The following COXFA4L2 variants were observed in gnomAD, a reference collection of about 807,000 sequenced individuals.
COXFA4L2 encodes NADH dehydrogenase (ubiquinone) 1 alpha subcomplex, 4-like 2.
the COXFA4L2 span, chr12:57,235,486 G>A: frequency 2.7e-6 from 4 of 1,493,802 alleles, no homozygotes; most frequent in African/African-American, 2.8e-5. Context: ...TGATGCCTTG[G>A]GGCCTGCGGG....
the COXFA4L2 span, chr12:57,235,649 G>T: frequency 6.2e-7 from 1 of 1,613,754 alleles, no homozygotes; most frequent in South Asian, 1.1e-5. Flanking sequence ...GGGTTGCGCT[G>T]AGTACCCCAA....
At chr12:57,236,466 C>G in the COXFA4L2 span, 1 of 768,206 alleles carries the variant, frequency 1.3e-6, no homozygotes, top group Non-Finnish European at 2.0e-6. Flanking sequence ...GGGCTCCAGC[C>G]CTGAGATGCC....
chr12:57,235,865 T>C, the COXFA4L2 span: 3 of 1,457,118 alleles, frequency 2.1e-6, no homozygotes, highest in South Asian at 4.4e-5. Flanking sequence ...CAGAACTCTG[T>C]AACCCAATTT....
At chr12:57,235,584 C>T in the COXFA4L2 span, 3 of 1,614,092 alleles carry the variant, frequency 1.9e-6, no homozygotes, top group Non-Finnish European at 1.7e-6. Context: ...GCCGGTCCTT[C>T]TTCAGCTTCT....
At chr12:57,240,491 C>G in the COXFA4L2 span, 1 of 165,748 alleles carries the variant, frequency 6.0e-6, no homozygotes, top group African/African-American at 2.4e-5. Flanking sequence ...GATGGCGAAG[C>G]CGAGCTGGCC....
the COXFA4L2 span, chr12:57,236,758 G>T: frequency 1.5e-6 from 2 of 1,359,216 alleles, no homozygotes; most frequent in Non-Finnish European, 1.0e-6. Flanking sequence ...AAGCTTTTCT[G>T]CCCACCCCAA....
the COXFA4L2 span, chr12:57,236,566 C>G: frequency 6.5e-7 from 1 of 1,540,710 alleles, no homozygotes; most frequent in Non-Finnish European, 8.8e-7. Context: ...CCCAGGCCCC[C>G]GTGAGCATCC....
chr12:57,237,449 G>A, the COXFA4L2 span: 1 of 818,830 alleles, frequency 1.2e-6, no homozygotes, highest in Non-Finnish European at 1.6e-6. Context: ...CAGGCACTTA[G>A]CAAAATGCAT....
chr12:57,240,695 G>GA, the COXFA4L2 span: 1 of 985,180 alleles, frequency 1.0e-6, no homozygotes, highest in Non-Finnish European at 1.2e-6. Flanking sequence ...GCGGAGACGC[G>GA]ATGGCAACAC....
the COXFA4L2 span, chr12:57,235,734 G>C: frequency 6.2e-7 from 1 of 1,606,342 alleles, no homozygotes; most frequent in Non-Finnish European, 8.5e-7. Context: ...CAACCCTAGA[G>C]CCATCGAGAG....
the COXFA4L2 span, among the ~76,000 whole-genome samples, chr12:57,239,282 G>A: frequency 6.6e-6 from 1 of 152,230 alleles, no homozygotes; most frequent in Non-Finnish European, 1.5e-5. This position sits in a 1 kb window ranked among gnomAD's most constrained non-coding sequence, Gnocchi z 5.5. Context: ...CCCCCTGTCG[G>A]GCAGTGTCGA....
the COXFA4L2 span, chr12:57,236,903 G>A: frequency 7.4e-7 from 1 of 1,342,806 alleles, no homozygotes; most frequent in Non-Finnish European, 1.1e-6. Context: ...GAGAGAGACT[G>A]GGGCAACCTT....
At chr12:57,237,228 C>G in the COXFA4L2 span, 1 of 1,511,952 alleles carries the variant, frequency 6.6e-7, no homozygotes, top group Non-Finnish European at 8.9e-7. Flanking sequence ...CTCACCCCAC[C>G]CCAACTTAGC....
the COXFA4L2 span, chr12:57,237,152 C>G: frequency 4.3e-6 from 7 of 1,613,850 alleles, no homozygotes; most frequent in South Asian, 5.5e-5. Context: ...GGGTCCCGCC[C>G]CTGAGTGGGG....
the COXFA4L2 span, chr12:57,236,329 G>A: frequency 2.1e-6 from 1 of 477,344 alleles, no homozygotes; most frequent in Non-Finnish European, 3.7e-6. Flanking sequence ...CCCACCGCTG[G>A]CTGAGCGGCG....
the COXFA4L2 span, chr12:57,239,948 G>C: frequency 6.6e-6 from 1 of 152,326 alleles, no homozygotes; most frequent in Non-Finnish European, 1.5e-5. The surrounding 1 kb of genome is among the most constrained non-coding windows in gnomAD (Gnocchi z 5.5). Flanking sequence ...CAGCCCAACA[G>C]GGCAGCCCGG....
chr12:57,236,211 G>A, the COXFA4L2 span: 9 of 326,822 alleles, frequency 2.8e-5, no homozygotes, highest in Non-Finnish European at 3.3e-5. Flanking sequence ...CTCCGCGGCC[G>A]GGTGTGAAAT....
chr12:57,236,881 A>C, the COXFA4L2 span: 1 of 1,159,062 alleles, frequency 8.6e-7, no homozygotes, highest in Non-Finnish European at 1.3e-6. Flanking sequence ...TGTGGGACAC[A>C]GGGACGTTTC....
chr12:57,235,183 C>T, the COXFA4L2 span: 1 of 259,078 alleles, frequency 3.9e-6, no homozygotes, highest in South Asian at 6.1e-5. Flanking sequence ...GAGCCCGCCA[C>T]GTCGCTTGGC....
Sources: gnomAD v4.1 joint callset for allele counts (sites outside exome capture counted in the v4.1 genomes callset) on GRCh38, gnomAD v4.1.1 for gene constraint, Gnocchi (gnomAD v3.1) non-coding constraint, MANE v1.5 for transcripts, NCBI Gene and HGNC (gene_info 2026-07-23, HGNC 2026-07-21) for gene names.